The following SERINC1 variants were observed in gnomAD, a reference collection of about 807,000 sequenced individuals.
SERINC1 encodes the protein serine incorporator 1.
A neutral mutation model predicts 52.9 loss-of-function variants in SERINC1; 38 were observed. The ratio of observed to expected loss-of-function variants is 0.72; its 90% CI spans 0.55 to 0.94. SERINC1 has a LOEUF of 0.94. Among genes scored for constraint, SERINC1 ranks in the 40% least tolerant of loss-of-function variants. The pLI is 0.00. For synonymous variants in SERINC1, 198 were observed against 183.1 expected (o/e 1.08, Z -0.66); for missense variants, 471 against 533.9 (o/e 0.88, Z 1.16).
rs1774962903 is a variant in SERINC1, at chr6:122,454,456, C to G, written c.372-226G>C. ...GGAGAGAGAGTGAAATTAACCATTA[C>G]CATGAACCCAAGCTTATATTATAGA... On this transcript the variant is annotated intron_variant, in intron 3 of 9. Transcript: ENST00000339697. The G allele has an allele frequency of 6.6e-6, 3 of 452,244 alleles. No individual in the cohort carries two copies. In the East Asian group the frequency reaches 1.4e-4, roughly 21 times the overall value. 28.0% of individuals were successfully genotyped at this position (452,244 alleles called of 1,614,324 possible). A position where few individuals can be genotyped will look rare whatever the true frequency, so the allele number is the denominator to read the frequency against.
At chr6:122,463,780 TTGAC>T (rs1488910659) in intron 1 of SERINC1, among the ~76,000 whole-genome samples, 2 of 152,158 alleles carry the variant, frequency 1.3e-5, no homozygotes, top group Non-Finnish European at 2.9e-5. Flanking sequence ...GGAAACCAGT[TTGAC>T]TGTTTCTTAT....
rs1418613506 is a variant in SERINC1, at chr6:122,444,410, A to C, written c.*634T>G. 6.6e-6 allele frequency: 1 copy of C among 152,282 alleles called. No individual in the cohort carries two copies. Among genetic ancestry groups the C allele is most frequent in the Non-Finnish European group, 1.5e-5 (1 of 68,072 alleles). The allele number at this position is 152,282 out of a possible 1,614,324, so 9.4% of individuals were successfully genotyped here. A position where few individuals can be genotyped will look rare whatever the true frequency, so the allele number is the denominator to read the frequency against. ...ACTGAACCCATACTTCATGAGTTTA[A>C]AACAACCAAAACAGTTCACTTTGTT... On this transcript the variant is annotated 3_prime_UTR_variant, in exon 10 of 10. Transcript: ENST00000339697.
intron 2 of SERINC1, among the ~76,000 whole-genome samples, chr6:122,457,822 T>TATAC (rs947432963): frequency 9.3e-5 from 14 of 151,092 alleles, no homozygotes; most frequent in Admixed American, 2.6e-4. Flanking sequence ...TATATATATA[T>TATAC]ACATGTACAC....
At chr6:122,461,510 G>C (rs998317832) in intron 1 of SERINC1, among the ~76,000 whole-genome samples, 2 of 148,888 alleles carry the variant, frequency 1.3e-5, no homozygotes, top group African/African-American at 5.0e-5. Context: ...GACTGTGGTG[G>C]GGTTGGGGGA....
At chr6:122,462,076 T>C (rs1775114961) in intron 1 of SERINC1, among the ~76,000 whole-genome samples, 1 of 152,120 alleles carries the variant, frequency 6.6e-6, no homozygotes, top group African/African-American at 2.4e-5. Flanking sequence ...GGTTCCACTT[T>C]TAAAAATCAA....
chr6:122,460,423 C>T (rs558470590), intron 1 of SERINC1, among the ~76,000 whole-genome samples: 7 of 152,214 alleles, frequency 4.6e-5, no homozygotes, highest in Admixed American at 3.3e-4. Flanking sequence ...CAGGGAGGGT[C>T]TGAGAATTTT....
Position 122,452,058 on chromosome 6 carries a change from C to T in SERINC1, c.590-1G>A. 1 of 1,492,870 alleles carries T rather than the reference C, an allele frequency of 6.7e-7. No homozygotes were observed. The highest frequency in any genetic ancestry group is 1.4e-5 in the South Asian group (1 of 73,070). 92.5% of individuals were successfully genotyped at this position (1,492,870 alleles called of 1,614,324 possible). A position where few individuals can be genotyped will look rare whatever the true frequency, so the allele number is the denominator to read the frequency against. On this transcript the variant is annotated splice_acceptor_variant, in intron 5 of 9. Coordinates refer to ENST00000339697, the MANE Select transcript of SERINC1 (RefSeq NM_020755.4). LOFTEE classifies it high-confidence loss of function. The stretch of plus-strand genomic sequence containing the variant: ...TTCAGAGCTGTAGCTGATAACAAGG[C>T]TGTGAAAGAAATATAATTGGATAAT...
intron 7 of SERINC1, among the ~76,000 whole-genome samples, chr6:122,448,027 C>T (rs1039690693): frequency 3.3e-5 from 5 of 151,438 alleles, no homozygotes; most frequent in African/African-American, 1.2e-4. Context: ...GGCAGAAAGA[C>T]TCGAACCCGG....
At chr6:122,455,301 T>G (rs1211124044) in intron 3 of SERINC1, among the ~76,000 whole-genome samples, 2 of 151,948 alleles carry the variant, frequency 1.3e-5, no homozygotes, top group African/African-American at 4.8e-5. Flanking sequence ...CAAAGAAGAT[T>G]AACATTTCAG....
intron 5 of SERINC1, among the ~76,000 whole-genome samples, chr6:122,452,828 T>C (rs923660706): frequency 6.6e-6 from 1 of 152,152 alleles, no homozygotes; most frequent in East Asian, 1.9e-4. Flanking sequence ...CTAAAGCTTA[T>C]TTCTTTGAGC....
intron 7 of SERINC1, among the ~76,000 whole-genome samples, chr6:122,449,814 C>A (rs138012541): frequency 6.6e-6 from 1 of 151,990 alleles, no homozygotes; most frequent in African/African-American, 2.4e-5. Flanking sequence ...GTCAGGAGTT[C>A]GAGAACAGCC....
At chr6:122,461,917 C>T (rs984301247) in intron 1 of SERINC1, among the ~76,000 whole-genome samples, 6 of 152,046 alleles carry the variant, frequency 3.9e-5, no homozygotes, top group African/African-American at 1.4e-4. Flanking sequence ...CCAAAGACAT[C>T]ATAAGAAAAT....
At chr6:122,454,954 T>C (rs1344464066) in intron 3 of SERINC1, among the ~76,000 whole-genome samples, 1 of 152,184 alleles carries the variant, frequency 6.6e-6, no homozygotes, top group Non-Finnish European at 1.5e-5. Context: ...TTATTTCCAT[T>C]CTCCTTTATC....
chr6:122,456,674 A>G, intron 2 of SERINC1, 24 bp from the exon 3 acceptor site: 1 of 1,517,894 alleles, frequency 6.6e-7, no homozygotes, highest in South Asian at 1.3e-5. Flanking sequence ...AGAGTTTATG[A>G]TCCATCATTT....
intron 5 of SERINC1, 93 bp from the exon 6 acceptor site, chr6:122,452,150 G>T: frequency 1.2e-6 from 1 of 817,360 alleles, no homozygotes. Flanking sequence ...CTGTCATTTT[G>T]TCAAAAAATA....
chr6:122,445,241 T>A, intron 9 of SERINC1, 62 bp from the exon 10 acceptor site: 1 of 1,519,612 alleles, frequency 6.6e-7, no homozygotes, highest in Admixed American at 1.8e-5. Context: ...GCCACCAAGC[T>A]ATGAAGCTTC....
At chr6:122,451,545 T>C in intron 7 of SERINC1, 119 bp downstream of exon 7, 1 of 370,704 alleles carries the variant, frequency 2.7e-6, no homozygotes, top group Non-Finnish European at 4.9e-6. Context: ...AGATCAAAAC[T>C]TTGTACTTTA....
At chr6:122,445,883 CAAAAA>C (rs71018202) in intron 9 of SERINC1, among the ~76,000 whole-genome samples, 8 of 62,834 alleles carry the variant, frequency 1.3e-4, no homozygotes, top group Non-Finnish European at 2.2e-4. Flanking sequence ...GACTCCATTT[CAAAAA>C]AAAAAAAAAA....
intron 1 of SERINC1, among the ~76,000 whole-genome samples, chr6:122,459,992 C>A (rs991834422): frequency 6.6e-6 from 1 of 152,126 alleles, no homozygotes; most frequent in Admixed American, 6.5e-5. Context: ...GTTTTTCAGA[C>A]AATGAACAAC....
Sources: allele counts gnomAD v4.1 joint callset (sites outside exome capture counted in the v4.1 genomes callset), GRCh38; gene constraint gnomAD v4.1.1; transcripts MANE v1.5; gene names NCBI Gene and HGNC (gene_info 2026-07-23, HGNC 2026-07-21).